Variants in ATP8B4 observed in about 807,000 individuals in gnomAD.
ATP8B4 encodes the protein ATPase phospholipid transporting 8B4 (putative), also known as probable phospholipid-transporting ATPase IM.
A neutral mutation model predicts 145.6 loss-of-function variants in ATP8B4; 133 were observed. The observed-to-expected ratio is 0.91, with a 90% CI of 0.79 to 1.05. The LOEUF (loss-of-function observed/expected upper bound fraction) is 1.05, where lower values mean the gene tolerates loss of function less well. ATP8B4 is among the 50% of genes least tolerant of loss of function. The pLI is 0.00. For synonymous variants in ATP8B4, 507 were observed against 492.9 expected, an observed-to-expected ratio of 1.03 and a Z score of -0.38; for missense variants, 1,458 against 1,425.2, an observed-to-expected ratio of 1.02 and a Z score of -0.37.
chr15:50,159,573 C>A (rs1217086149), intron 1 of ATP8B4, among the ~76,000 whole-genome samples: 1 of 152,160 alleles, frequency 6.6e-6, no homozygotes, highest in African/African-American at 2.4e-5. Flanking sequence ...TGTTCAACAT[C>A]TCAGAGGAAA....
chr15:49,875,782 A>G (rs1463214720), intron 25 of ATP8B4, among the ~76,000 whole-genome samples: 2 of 152,204 alleles, frequency 1.3e-5, no homozygotes, highest in African/African-American at 4.8e-5. Context: ...GGAACCTCAA[A>G]AAATCATCCC....
intron 3 of ATP8B4, among the ~76,000 whole-genome samples, chr15:50,068,193 T>C (rs1341583736): frequency 6.6e-6 from 1 of 152,146 alleles, no homozygotes; most frequent in Non-Finnish European, 1.5e-5. Context: ...GTTTGCTGAC[T>C]GTGGAAACGT....
intron 1 of ATP8B4, among the ~76,000 whole-genome samples, chr15:50,145,818 A>C (rs564790451): frequency 1.5e-4 from 23 of 152,236 alleles, no homozygotes; most frequent in African/African-American, 5.3e-4. Context: ...TATTTGGCCA[A>C]AGCTACTTTG....
chr15:50,128,782 G>A (rs561566821), intron 1 of ATP8B4, among the ~76,000 whole-genome samples: 1 of 152,200 alleles, frequency 6.6e-6, no homozygotes, highest in South Asian at 2.1e-4. Context: ...TAAGTAGGCT[G>A]GGCGCAGTGG....
intron 20 of ATP8B4, 110 bp from the exon 21 acceptor site, chr15:49,901,349 G>C (rs936120841): frequency 2.6e-6 from 3 of 1,175,328 alleles, no homozygotes; most frequent in Non-Finnish European, 3.5e-6. Context: ...TATTCAGAGA[G>C]AATATGGCAT....
At chr15:50,156,015 T>TA (rs199580857) in intron 1 of ATP8B4, among the ~76,000 whole-genome samples, 148 of 133,120 alleles carry the variant, frequency 1.1e-3, no homozygotes, top group South Asian at 4.7e-3. Flanking sequence ...CTGACTGGTA[T>TA]AAAAAAAAAA....
intron 2 of ATP8B4, among the ~76,000 whole-genome samples, chr15:50,093,027 G>A (rs558563822): frequency 6.6e-6 from 1 of 152,084 alleles, no homozygotes; most frequent in African/African-American, 2.4e-5. Context: ...AAAGTCAGTG[G>A]AGGCCTGAAT....
In ATP8B4 at chr15:49,893,142, G is replaced by A. The variant is rs564257036; in HGVS notation, c.2697+4150C>T. On this transcript the variant is annotated intron_variant, in intron 23 of 27. Coordinates refer to ENST00000284509, the MANE Select transcript of ATP8B4 (RefSeq NM_024837.4). ...CTTTTGATTGTAAAGACATATCCAA[G>A]TCTTAGAGATGTCAGATGTGAGAAT... Among the ~76,000 whole-genome samples the A allele has an allele frequency of 3.3e-5, 5 of 152,322 alleles. No homozygotes were observed. In the South Asian group the frequency reaches 6.2e-4, roughly 19 times the overall value.
chr15:50,065,994 C>T (rs1600159538), intron 3 of ATP8B4, among the ~76,000 whole-genome samples: 1 of 126,892 alleles, frequency 7.9e-6, no homozygotes, highest in South Asian at 2.5e-4. Flanking sequence ...AATAGAAATT[C>T]AGAGGCCAGA....
At chr15:50,172,424 G>A (rs907973440) in intron 1 of ATP8B4, among the ~76,000 whole-genome samples, 1 of 152,248 alleles carries the variant, frequency 6.6e-6, no homozygotes, top group Non-Finnish European at 1.5e-5. Flanking sequence ...GATTGCAGAC[G>A]GAGTCTCGCT....
intron 1 of ATP8B4, among the ~76,000 whole-genome samples, chr15:50,111,822 G>C (rs966568886): frequency 6.6e-6 from 1 of 152,126 alleles, no homozygotes; most frequent in Non-Finnish European, 1.5e-5. Flanking sequence ...TAAACATTAG[G>C]AACAAATGAG....
intron 1 of ATP8B4, among the ~76,000 whole-genome samples, chr15:50,174,352 C>T (rs904056474): frequency 2.6e-5 from 4 of 152,094 alleles, no homozygotes; most frequent in Non-Finnish European, 4.4e-5. Context: ...GGAAGGCAAA[C>T]TGTCACTGTT....
At chr15:49,918,442 C>T (rs2039954291) in intron 19 of ATP8B4, among the ~76,000 whole-genome samples, 1 of 152,166 alleles carries the variant, frequency 6.6e-6, no homozygotes, top group Non-Finnish European at 1.5e-5. Context: ...TTCAAATTCC[C>T]CACCATCAAG....
In ATP8B4 at chr15:50,165,115, T is replaced by A. The variant is rs1478485234; in HGVS notation, c.-43+17146A>T. 2.0e-5 allele frequency among the ~76,000 whole-genome samples: 3 copies of A among 151,938 alleles called. No homozygotes were observed. The East Asian group carries it at 5.8e-4, about 29-fold the overall frequency. ...CCCATGCTGAAGTCCAGCGGAACGA[T>A]CTTGGCTTACTGAAACCTCTGTCTC... On this transcript the variant is annotated intron_variant, in intron 1 of 3. Coordinates refer to the ATP8B4 transcript ENST00000558829.
chr15:49,972,508 T>A (rs1599536536), intron 13 of ATP8B4, 74 bp downstream of exon 13: 3 of 1,388,946 alleles, frequency 2.2e-6, no homozygotes, highest in Non-Finnish European at 2.0e-6. Flanking sequence ...GATTTTTAAA[T>A]TTTTTTTTAA....
At chr15:49,934,703 C>A (rs2041588053) in intron 14 of ATP8B4, among the ~76,000 whole-genome samples, 2 of 152,168 alleles carry the variant, frequency 1.3e-5, no homozygotes, top group East Asian at 1.9e-4. Context: ...AAATGGCAGA[C>A]AACACCATAT....
At chr15:50,177,440 C>T (rs1360898658) in intron 1 of ATP8B4, among the ~76,000 whole-genome samples, 2 of 152,342 alleles carry the variant, frequency 1.3e-5, no homozygotes, top group South Asian at 4.1e-4. Flanking sequence ...AAAAGCCCAC[C>T]TATGCGATGG....
intron 6 of ATP8B4, among the ~76,000 whole-genome samples, chr15:50,011,997 T>C (rs1411205963): frequency 6.6e-6 from 1 of 152,174 alleles, no homozygotes; most frequent in Non-Finnish European, 1.5e-5. Flanking sequence ...TGCTGGATCA[T>C]TTGGCTTAAA....
In ATP8B4 at chr15:49,897,462, C is replaced by T; in HGVS notation, c.2527G>A (p.Ala843Thr). The change falls in exon 23 of 28, where the codon GCC becomes ACC. Residue 843 changes from alanine (A) to threonine (T), a missense_variant. By Grantham distance (58) the Ala-to-Thr change is moderately conservative. Coordinates refer to ENST00000284509, the MANE Select transcript of ATP8B4 (RefSeq NM_024837.4). The part of the protein sequence containing the change: ...SGQEGLQAVL[A>T]SDYSFAQFRY... ...AACTGTGCAAATGAATAGTCGCTGG[C>T]TAAGACTGCTTGCAATCCTTCCTGG... 6.3e-7 allele frequency: 1 copy of T among 1,596,600 alleles called. No individual in the cohort carries two copies. The highest frequency in any genetic ancestry group is 8.5e-7 in the Non-Finnish European group (1 of 1,171,598).
Sources: allele counts gnomAD v4.1 joint callset (sites outside exome capture counted in the v4.1 genomes callset), GRCh38; gene constraint gnomAD v4.1.1; transcripts MANE v1.5; gene names NCBI Gene and HGNC (gene_info 2026-07-23, HGNC 2026-07-21).